The following UMAD1 variants were observed in gnomAD, a reference collection of about 807,000 sequenced individuals.
UMAD1 encodes UBAP1-MVB12-associated (UMA) domain containing 1.
A neutral mutation model predicts 6.1 loss-of-function variants in UMAD1; 8 were observed. The observed-to-expected ratio is 1.30, with a 90% CI of 0.76 to 2.35. The LOEUF (loss-of-function observed/expected upper bound fraction) is 2.35, where lower values mean the gene tolerates loss of function less well. Ranked by LOEUF, UMAD1 falls within the 30% of genes most tolerant of loss-of-function variation. The pLI is 0.00. For missense variants in UMAD1, 130 were observed against 78.4 expected (o/e 1.66, Z -2.49); for synonymous variants, 56 against 31.4 (o/e 1.78, Z -2.61).
chr7:7,645,582 C>G (rs1583687934), intron 1 of UMAD1, among the ~76,000 whole-genome samples: 1 of 152,316 alleles, frequency 6.6e-6, no homozygotes, highest in East Asian at 1.9e-4. Flanking sequence ...TCCTTCCCAA[C>G]TTGAATTTCT....
intron 1 of UMAD1, among the ~76,000 whole-genome samples, chr7:7,669,171 G>A (rs1276161437): frequency 1.3e-5 from 2 of 152,068 alleles, no homozygotes; most frequent in African/African-American, 2.4e-5. Flanking sequence ...TGTATATAGG[G>A]TTTAGTACTA....
At chr7:7,776,450 G>A (rs745352808) in intron 2 of UMAD1, among the ~76,000 whole-genome samples, 1 of 152,180 alleles carries the variant, frequency 6.6e-6, no homozygotes, top group African/African-American at 2.4e-5. Context: ...GAGCAGATTA[G>A]TGGTAGCCAG....
chr7:7,659,633 C>G (rs759146428), intron 1 of UMAD1, among the ~76,000 whole-genome samples: 5 of 152,218 alleles, frequency 3.3e-5, no homozygotes, highest in Non-Finnish European at 7.3e-5. Context: ...GTTTCTTAAT[C>G]CTGTGCTCTC....
intron 2 of UMAD1, among the ~76,000 whole-genome samples, chr7:7,777,669 A>G (rs1343946300): frequency 6.7e-6 from 1 of 149,956 alleles, no homozygotes; most frequent in East Asian, 1.9e-4. Flanking sequence ...ATATCTGTAG[A>G]GTAAATGTTC....
intron 3 of UMAD1, among the ~76,000 whole-genome samples, chr7:7,818,903 G>T (rs1466466514): frequency 1.3e-5 from 2 of 152,194 alleles, no homozygotes; most frequent in Non-Finnish European, 2.9e-5. Context: ...AGGCTAGAAT[G>T]CCATAGCACA....
At chr7:7,838,536 G>T (rs577085163) in intron 3 of UMAD1, among the ~76,000 whole-genome samples, 1 of 152,114 alleles carries the variant, frequency 6.6e-6, no homozygotes, top group Non-Finnish European at 1.5e-5. Context: ...ACCACTTTTA[G>T]CAATAATCTG....
intron 3 of UMAD1, among the ~76,000 whole-genome samples, chr7:7,806,477 A>G (rs1019692583): frequency 5.3e-5 from 8 of 152,188 alleles, no homozygotes; most frequent in African/African-American, 1.7e-4. Context: ...CTCAGCAACT[A>G]TCACACTGTT....
chr7:7,649,607 G>T (rs2115548910), intron 1 of UMAD1, among the ~76,000 whole-genome samples: 1 of 152,084 alleles, frequency 6.6e-6, no homozygotes, highest in East Asian at 1.9e-4. Flanking sequence ...CTTTTGCATT[G>T]ATTTTTTTGT....
At chr7:7,680,080 C>A (rs1480943348) in intron 2 of UMAD1, among the ~76,000 whole-genome samples, 1 of 151,920 alleles carries the variant, frequency 6.6e-6, no homozygotes, top group African/African-American at 2.4e-5. Context: ...CTTTGGTTGC[C>A]TGTGCTTGTG....
intron 3 of UMAD1, among the ~76,000 whole-genome samples, chr7:7,822,380 A>C (rs1357932056): frequency 6.6e-6 from 1 of 151,992 alleles, no homozygotes; most frequent in Non-Finnish European, 1.5e-5. Context: ...TCTTGTTCCA[A>C]AAAAAAACAA....
intron 2 of UMAD1, among the ~76,000 whole-genome samples, chr7:7,768,908 G>C (rs1373800551): frequency 2.0e-5 from 3 of 151,998 alleles, no homozygotes; most frequent in Non-Finnish European, 2.9e-5. Flanking sequence ...GTCAGTAGCT[G>C]TTTGCTGAAT....
chr7:7,861,005 A>T (rs1784106695), intron 3 of UMAD1, among the ~76,000 whole-genome samples: 1 of 152,186 alleles, frequency 6.6e-6, no homozygotes, highest in Admixed American at 6.5e-5. Context: ...ACACAAAAGG[A>T]TATACATTGT....
At chr7:7,690,231 A>T (rs185233725) in intron 2 of UMAD1, among the ~76,000 whole-genome samples, 2 of 152,318 alleles carry the variant, frequency 1.3e-5, no homozygotes, top group East Asian at 3.9e-4. Context: ...TAAATGTTAC[A>T]TATTTGGAAA....
chr7:7,661,410 G>A (rs932282031), intron 1 of UMAD1, among the ~76,000 whole-genome samples: 4 of 152,254 alleles, frequency 2.6e-5, no homozygotes, highest in Admixed American at 6.5e-5. Flanking sequence ...GGAATTTTCC[G>A]CCTTTTTGCG....
chr7:7,697,332 A>G (rs1397260735), intron 2 of UMAD1, among the ~76,000 whole-genome samples: 1 of 152,214 alleles, frequency 6.6e-6, no homozygotes, highest in African/African-American at 2.4e-5. Context: ...AGAATCCTCT[A>G]TTCTGCCAGA....
chr7:7,712,835 T>C (rs959632427), intron 2 of UMAD1, among the ~76,000 whole-genome samples: 1 of 152,182 alleles, frequency 6.6e-6, no homozygotes, highest in Admixed American at 6.5e-5. Context: ...CCTGGTTGGC[T>C]AAAGGCTTAT....
intron 2 of UMAD1, among the ~76,000 whole-genome samples, chr7:7,746,157 G>A (rs893523799): frequency 6.6e-6 from 1 of 152,180 alleles, no homozygotes; most frequent in African/African-American, 2.4e-5. Context: ...TGCATGCACC[G>A]TAGAGTTTGT....
intron 1 of UMAD1, among the ~76,000 whole-genome samples, chr7:7,663,750 T>C (rs993895687): frequency 7.9e-5 from 12 of 152,196 alleles, no homozygotes; most frequent in Non-Finnish European, 1.8e-4. Flanking sequence ...GATGCAAAAT[T>C]GGTTAGTATC....
At chr7:7,760,474 T>A (rs1393727572) in intron 2 of UMAD1, among the ~76,000 whole-genome samples, 1 of 150,656 alleles carries the variant, frequency 6.6e-6, no homozygotes, top group African/African-American at 2.4e-5. Flanking sequence ...TTATAAGTAG[T>A]TTATTATACA....
Sources: gnomAD v4.1 joint callset for allele counts (sites outside exome capture counted in the v4.1 genomes callset) on GRCh38, gnomAD v4.1.1 for gene constraint, MANE v1.5 for transcripts, NCBI Gene and HGNC (gene_info 2026-07-23, HGNC 2026-07-21) for gene names.